Variants in UST observed in about 807,000 individuals in gnomAD.
UST encodes the protein chondroitin sulfate 2-O-sulfotransferase.
UST carries 21 observed loss-of-function variants against 45.6 expected under a neutral mutation model. That is an observed-to-expected ratio of 0.46 (90% CI 0.33 to 0.66). The LOEUF is 0.66. UST is among the 30% of genes least tolerant of loss of function. UST has a pLI of 0.02. For missense variants in UST, 463 were observed against 512.4 expected (o/e 0.90, Z 0.93); for synonymous variants, 215 against 200.6 (o/e 1.07, Z -0.61).
At chr6:148,994,172 A>T (rs938129296) in intron 5 of UST, among the ~76,000 whole-genome samples, 1 of 151,822 alleles carries the variant, frequency 6.6e-6, no homozygotes, top group African/African-American at 2.4e-5. Flanking sequence ...AGGTTTTGCC[A>T]TGTTGGCCAA....
chr6:148,981,974 A>G lies in UST; in HGVS notation c.681+17411A>G, dbSNP rs370691651. ...CTAAGTCCAAGATCAAAGTGCCAGC[A>G]GGTTCAGTTGTCTGGTGAGGGCTTC... On this transcript the variant is annotated intron_variant, in intron 5 of 7. Transcript: ENST00000367463. 9.8e-5 allele frequency among the ~76,000 whole-genome samples: 15 copies of G among 152,336 alleles called. 4 individuals carry two copies. Among genetic ancestry groups the G allele is most frequent in the East Asian group, 3.9e-4 (2 of 5,190 alleles).
At chr6:148,774,537 A>G (rs1359113562) in intron 1 of UST, among the ~76,000 whole-genome samples, 4 of 152,198 alleles carry the variant, frequency 2.6e-5, no homozygotes, top group African/African-American at 9.6e-5. Context: ...AATGAATTTT[A>G]CTTTACCTAC....
At chr6:148,833,126 A>C (rs569905641) in intron 1 of UST, among the ~76,000 whole-genome samples, 29 of 152,332 alleles carry the variant, frequency 1.9e-4, no homozygotes, top group African/African-American at 7.0e-4. Flanking sequence ...CTATGAAGAC[A>C]GTATCATAGG....
At chr6:148,899,117 T>G (rs866508348) in intron 2 of UST, among the ~76,000 whole-genome samples, 14 of 73,386 alleles carry the variant, frequency 1.9e-4, no homozygotes, top group Middle Eastern at 0.013. Context: ...TTTTTTTTTT[T>G]GAGATGGAGT....
At chr6:148,965,527 C>G (rs2114960298) in intron 5 of UST, among the ~76,000 whole-genome samples, 1 of 152,324 alleles carries the variant, frequency 6.6e-6, no homozygotes, top group Admixed American at 6.5e-5. Flanking sequence ...CAGCAGCAGC[C>G]TTGCCGCTGG....
At chr6:148,904,981 G>C (rs536211908) in intron 2 of UST, among the ~76,000 whole-genome samples, 54 of 152,290 alleles carry the variant, frequency 3.5e-4, no homozygotes, top group African/African-American at 1.2e-3. Context: ...GAAGATCCTG[G>C]TCCAAGTCCC....
chr6:148,789,445 TCTCTCTCTCACA>T (rs1331673719), intron 1 of UST, among the ~76,000 whole-genome samples: 1 of 130,938 alleles, frequency 7.6e-6, no homozygotes, highest in African/African-American at 3.0e-5. Context: ...TCTCTCTCTC[TCTCTCTCTCACA>T]CACACACACA....
chr6:149,034,832 CAT>C (rs1371014761), intron 7 of UST, among the ~76,000 whole-genome samples: 2 of 95,438 alleles, frequency 2.1e-5, no homozygotes, highest in South Asian at 3.6e-4. Context: ...TATTCATGCT[CAT>C]TCTCTCTCTC....
At chr6:148,922,466 T>C (rs1779728435) in intron 2 of UST, among the ~76,000 whole-genome samples, 2 of 152,002 alleles carry the variant, frequency 1.3e-5, no homozygotes, top group Non-Finnish European at 2.9e-5. Context: ...CTATTCCTTA[T>C]TTGCATAGAG....
At chr6:148,982,007 T>C (rs1484018761) in intron 5 of UST, among the ~76,000 whole-genome samples, 1 of 152,214 alleles carries the variant, frequency 6.6e-6, no homozygotes, top group Non-Finnish European at 1.5e-5. Flanking sequence ...TTCTGTCTGC[T>C]TCTAAGATGG....
At chr6:148,984,557 C>T (rs1050960160) in intron 5 of UST, among the ~76,000 whole-genome samples, 3 of 152,270 alleles carry the variant, frequency 2.0e-5, no homozygotes, top group East Asian at 1.9e-4. Context: ...TTTTTAGAGA[C>T]GGGATCTCAC....
chr6:148,848,587 C>T (rs62426085), intron 1 of UST, among the ~76,000 whole-genome samples: 11,275 of 151,018 alleles, frequency 0.075, 489 homozygotes, highest in Non-Finnish European at 0.11. Flanking sequence ...AGGAGAATTG[C>T]TTGAACCTGG....
At chr6:148,825,734 A>G (rs963132140) in intron 1 of UST, among the ~76,000 whole-genome samples, 11 of 152,240 alleles carry the variant, frequency 7.2e-5, no homozygotes, top group Admixed American at 2.0e-4. Context: ...CCAAAGGAAG[A>G]GTTCTCAGCC....
At chr6:148,874,981 G>A (rs563231784) in intron 1 of UST, among the ~76,000 whole-genome samples, 361 of 152,326 alleles carry the variant, frequency 2.4e-3, no homozygotes, top group African/African-American at 8.4e-3. Flanking sequence ...GCGACATGCC[G>A]CCACATGATC....
At chr6:148,866,321 C>G (rs932262074) in intron 1 of UST, among the ~76,000 whole-genome samples, 1 of 152,028 alleles carries the variant, frequency 6.6e-6, no homozygotes, top group African/African-American at 2.4e-5. Context: ...GTTATACAGA[C>G]AGAAAAAACC....
chr6:148,995,557 GT>G (rs1781438554), intron 5 of UST, among the ~76,000 whole-genome samples: 1 of 152,222 alleles, frequency 6.6e-6, no homozygotes, highest in Admixed American at 6.5e-5. Context: ...AGTACAGCAG[GT>G]TATAAAATCT....
Position 149,076,346 on chromosome 6 carries a change from A to C in UST, c.*2230A>C, listed in dbSNP as rs1477059929. 6.6e-6 allele frequency: 1 copy of C among 152,244 alleles called. No homozygotes were observed. Among genetic ancestry groups the C allele is most frequent in the African/African-American group, 2.4e-5 (1 of 41,472 alleles). 9.4% of individuals were successfully genotyped at this position (152,244 alleles called of 1,614,324 possible). A position where few individuals can be genotyped will look rare whatever the true frequency, so the allele number is the denominator to read the frequency against. On this transcript the variant is annotated 3_prime_UTR_variant, in exon 8 of 8. Transcript: ENST00000367463. ...ATCTCACAATCTGAAAATAAAGTTG[A>C]GTTGGCTGTGTTTTCTCTGCTCTTG...
chr6:149,047,259 T>C (rs986312471), intron 7 of UST, among the ~76,000 whole-genome samples: 1 of 152,208 alleles, frequency 6.6e-6, no homozygotes, highest in African/African-American at 2.4e-5. Flanking sequence ...AAAAAGATTA[T>C]GCCTAATACT....
chr6:148,879,536 G>C (rs1778784273), intron 1 of UST, among the ~76,000 whole-genome samples: 1 of 152,186 alleles, frequency 6.6e-6, no homozygotes, highest in African/African-American at 2.4e-5. Flanking sequence ...ATTAAAATCA[G>C]AATCGCTAAG....
Sources: gnomAD v4.1 joint callset for allele counts (sites outside exome capture counted in the v4.1 genomes callset) on GRCh38, gnomAD v4.1.1 for gene constraint, MANE v1.5 for transcripts, NCBI Gene and HGNC (gene_info 2026-07-23, HGNC 2026-07-21) for gene names.